The following MYO3A variants were observed in gnomAD, a reference collection of about 807,000 sequenced individuals.
MYO3A encodes myosin-IIIa.
MYO3A carries 180 observed loss-of-function variants against 192.7 expected under a neutral mutation model. The ratio of observed to expected loss-of-function variants is 0.93; its 90% CI spans 0.83 to 1.06. MYO3A has a LOEUF of 1.06. Among genes scored for constraint, MYO3A ranks in the 50% least tolerant of loss-of-function variants. MYO3A has a pLI of 0.00. For synonymous variants in MYO3A, 628 were observed against 645.3 expected (o/e 0.97, Z 0.41); for missense variants, 1,896 against 1,905.0 (o/e 1.00, Z 0.09).
intron 10 of MYO3A, among the ~76,000 whole-genome samples, chr10:26,028,979 T>TA (rs1446609323): frequency 6.6e-6 from 1 of 152,222 alleles, no homozygotes; most frequent in East Asian, 1.9e-4. Flanking sequence ...GGACACCAGA[T>TA]AAGATTTCCA....
At chr10:26,100,529 T>G (rs141044453) in intron 17 of MYO3A, among the ~76,000 whole-genome samples, 45,410 of 152,056 alleles carry the variant, frequency 0.3, 7,198 homozygotes, top group Middle Eastern at 0.44. Context: ...CCTGCTTTCT[T>G]TTGTGGGCAT....
intron 15 of MYO3A, among the ~76,000 whole-genome samples, chr10:26,095,514 A>G (rs1836964792): frequency 6.6e-6 from 1 of 152,084 alleles, no homozygotes; most frequent in Non-Finnish European, 1.5e-5. Context: ...AGAGATGGGG[A>G]AACTATAGAG....
At chr10:26,205,897 G>A (rs959408266) in intron 34 of MYO3A, among the ~76,000 whole-genome samples, 1 of 151,984 alleles carries the variant, frequency 6.6e-6, no homozygotes, top group Non-Finnish European at 1.5e-5. Flanking sequence ...GGGATTACAG[G>A]CGTGAGCCAC....
At chr10:26,044,223 T>A in intron 10 of MYO3A, among the ~76,000 whole-genome samples, 1 of 152,192 alleles carries the variant, frequency 6.6e-6, no homozygotes, top group South Asian at 2.1e-4. Flanking sequence ...TTAACTCTCC[T>A]CTTCTCAAGT....
At chr10:26,059,512 C>T (rs185294626) in intron 10 of MYO3A, among the ~76,000 whole-genome samples, 62 of 152,272 alleles carry the variant, frequency 4.1e-4, no homozygotes, top group African/African-American at 1.2e-3. Context: ...CAGTCACCAC[C>T]CCTACATACA....
chr10:25,947,871 G>C (rs925982775), intron 2 of MYO3A, among the ~76,000 whole-genome samples: 1 of 152,148 alleles, frequency 6.6e-6, no homozygotes, highest in Non-Finnish European at 1.5e-5. Flanking sequence ...GAAAAAACAG[G>C]ACAAACATTT....
chr10:26,096,370 T>C lies in MYO3A; in HGVS notation c.1563-11T>C. 2 of 1,559,914 alleles carry C rather than the reference T, an allele frequency of 1.3e-6. No homozygotes were observed. The highest frequency in any genetic ancestry group is 1.1e-5 in the South Asian group (1 of 89,258). ...TACTAACTACCTTACTGTAAATATCTTTTTTTCCAGTGGAGAAAAAAATTT... is the reference window on the plus strand; with the variant it reads ...TACTAACTACCTTACTGTAAATATCCTTTTTTCCAGTGGAGAAAAAAATTT... On this transcript the variant is annotated splice_polypyrimidine_tract_variant and intron_variant, in intron 15 of 34. Coordinates refer to ENST00000642920, the MANE Select transcript of MYO3A (RefSeq NM_017433.5).
chr10:25,950,648 A>T (rs1837153038), intron 2 of MYO3A, among the ~76,000 whole-genome samples: 1 of 152,130 alleles, frequency 6.6e-6, no homozygotes, highest in South Asian at 2.1e-4. Context: ...GAGGAACAAG[A>T]GTGTTTAGGG....
At chr10:26,068,691 TATTA>T in intron 11 of MYO3A, 73 bp from the exon 12 acceptor site, 1 of 956,440 alleles carries the variant, frequency 1.0e-6, no homozygotes, top group Non-Finnish European at 1.6e-6. Context: ...ATGTTCTGTT[TATTA>T]TTGTTTACTT....
intron 10 of MYO3A, among the ~76,000 whole-genome samples, chr10:26,065,703 T>C (rs11014947): frequency 0.47 from 71,786 of 151,224 alleles, 17,761 homozygotes; most frequent in Middle Eastern, 0.6. Context: ...AGGCAGTTTG[T>C]TGTTGTTTGT....
In MYO3A at chr10:26,212,177, C is replaced by T; in HGVS notation, c.*214C>T. The stretch of plus-strand genomic sequence containing the variant: ...GGAGCCCTCGGGAAACCTCCCCCGA[C>T]GCTCTCTCTCGGAACTCCCGCACCC... On this transcript the variant is annotated 3_prime_UTR_variant, in exon 35 of 35. Transcript: ENST00000642920. The T allele has an allele frequency of 3.1e-6, 2 of 644,030 alleles. No homozygotes were observed. The highest frequency in any genetic ancestry group is 5.0e-6 in the Non-Finnish European group (2 of 396,198). The allele number at this position is 644,030 out of a possible 1,614,324, so 39.9% of individuals were successfully genotyped here.
intron 23 of MYO3A, among the ~76,000 whole-genome samples, chr10:26,151,305 T>C (rs982018319): frequency 6.6e-6 from 1 of 152,154 alleles, no homozygotes; most frequent in Admixed American, 6.5e-5. Context: ...TCAATTTGTC[T>C]CTCTTTTTTT....
At chr10:26,086,042 G>T (rs748089157) in intron 14 of MYO3A, among the ~76,000 whole-genome samples, 1 of 152,098 alleles carries the variant, frequency 6.6e-6, no homozygotes, top group Non-Finnish European at 1.5e-5. Flanking sequence ...CAGGTAGGGG[G>T]AGGCTTGAAG....
At chr10:26,054,798 TTCTCCCC>T (rs1444486516) in intron 10 of MYO3A, among the ~76,000 whole-genome samples, 4 of 152,206 alleles carry the variant, frequency 2.6e-5, no homozygotes, top group Non-Finnish European at 5.9e-5. Flanking sequence ...AAAGCAATGA[TTCTCCCC>T]TAGAGTCTCC....
At chr10:26,171,475 C>T (rs2132023039) in intron 29 of MYO3A, among the ~76,000 whole-genome samples, 1 of 152,288 alleles carries the variant, frequency 6.6e-6, no homozygotes, top group East Asian at 1.9e-4. Context: ...GACTTCTCTG[C>T]CACCTCTTCC....
At chr10:26,187,621 C>A (rs892849083) in intron 31 of MYO3A, among the ~76,000 whole-genome samples, 3 of 148,726 alleles carry the variant, frequency 2.0e-5, no homozygotes, top group East Asian at 2.0e-4. Flanking sequence ...AGGTATATCT[C>A]CTAATGCTAT....
intron 10 of MYO3A, among the ~76,000 whole-genome samples, chr10:26,062,515 CA>C (rs573334201): frequency 0.16 from 6,618 of 42,202 alleles, 374 homozygotes; most frequent in African/African-American, 0.26. Context: ...GATGCCATCT[CA>C]AAAAAAAAAA....
chr10:26,173,594 A>G (rs2132034334), intron 29 of MYO3A, 69 bp from the exon 30 acceptor site: 1 of 1,428,188 alleles, frequency 7.0e-7, no homozygotes. Context: ...CTAGCATATA[A>G]CTATTGCCAA....
At chr10:26,013,074 G>A (rs2131021035) in intron 6 of MYO3A, among the ~76,000 whole-genome samples, 1 of 152,268 alleles carries the variant, frequency 6.6e-6, no homozygotes, top group South Asian at 2.1e-4. Flanking sequence ...CAAGCCACAT[G>A]TAGAAGAATG....
Sources: allele counts gnomAD v4.1 joint callset (sites outside exome capture counted in the v4.1 genomes callset), GRCh38; gene constraint gnomAD v4.1.1; transcripts MANE v1.5; gene names NCBI Gene and HGNC (gene_info 2026-07-23, HGNC 2026-07-21).